The following EYS variants were observed in gnomAD, a reference collection of about 807,000 sequenced individuals.
The protein encoded by EYS is EGF-like photoreceptor maintenance factor, also known as protein eyes shut homolog.
Under a neutral mutation model 282.1 loss-of-function variants are expected in EYS, and 250 were observed. That is an observed-to-expected ratio of 0.89 (90% CI 0.80 to 0.98). The LOEUF is 0.98. Among genes scored for constraint, EYS ranks in the 50% least tolerant of loss-of-function variants. EYS has a pLI of 0.00. For missense variants in EYS, 4,016 were observed against 3,709.0 expected (o/e 1.08, Z -2.15); for synonymous variants, 1,355 against 1,282.9 (o/e 1.06, Z -1.20).
At chr6:64,266,936 G>A (rs1173436850) in intron 30 of EYS, among the ~76,000 whole-genome samples, 12 of 152,050 alleles carry the variant, frequency 7.9e-5, no homozygotes, top group Non-Finnish European at 1.5e-4. Flanking sequence ...AATACCTGAT[G>A]TTTTGAAGAA....
At position 64,813,590 on chromosome 6, in the gene EYS, A is replaced by G; in HGVS notation, c.3244-13T>C. On this transcript the variant is annotated splice_polypyrimidine_tract_variant and intron_variant, in intron 21 of 42. Coordinates refer to ENST00000503581, the MANE Select transcript of EYS (RefSeq NM_001142800.2). ...TTGATGTGCAGTCCTAGATTAAGAAATAGAGAATCAAATTTGATTATTAGT... is the reference window on the plus strand; with the variant it reads ...TTGATGTGCAGTCCTAGATTAAGAAGTAGAGAATCAAATTTGATTATTAGT... 1 of 1,503,902 alleles carries G rather than the reference A, an allele frequency of 6.6e-7. No homozygotes were observed. Among genetic ancestry groups the G allele is most frequent in the East Asian group, 2.5e-5 (1 of 40,116 alleles). The allele number at this position is 1,503,902 out of a possible 1,614,324, so 93.2% of individuals were successfully genotyped here. A position where few individuals can be genotyped will look rare whatever the true frequency, so the allele number is the denominator to read the frequency against.
intron 30 of EYS, among the ~76,000 whole-genome samples, chr6:64,301,886 C>T (rs1310288391): frequency 1.3e-5 from 2 of 152,144 alleles, no homozygotes; most frequent in Non-Finnish European, 2.9e-5. Context: ...GGTTTACTAG[C>T]ACTCAAAAAG....
chr6:64,196,047 G>T (rs1475340432), intron 31 of EYS, among the ~76,000 whole-genome samples: 1 of 151,908 alleles, frequency 6.6e-6, no homozygotes, highest in Non-Finnish European at 1.5e-5. Context: ...AAATTTACAA[G>T]AAAAAAACAA....
intron 26 of EYS, among the ~76,000 whole-genome samples, chr6:64,465,887 A>C (rs1775901740): frequency 6.6e-6 from 1 of 152,118 alleles, no homozygotes; most frequent in Non-Finnish European, 1.5e-5. Flanking sequence ...ATATTTAAGA[A>C]ACTGAAACAA....
At position 64,764,669 on chromosome 6, in the gene EYS, GTT is replaced by G. The variant is rs766802036; in HGVS notation, c.3443+48707_3443+48708del. Among the ~76,000 whole-genome samples the G allele has an allele frequency of 3.9e-5, 6 of 152,304 alleles. No individual in the cohort carries two copies. The East Asian group carries it at 9.6e-4, about 24-fold the overall frequency. ...CTTAAATTTCTCCCCAGGAAATGGG[GTT>G]TTCTTTTCTACTCCATTGTCAGGCT... On this transcript the variant is annotated intron_variant, in intron 22 of 42. Coordinates refer to ENST00000503581, the MANE Select transcript of EYS (RefSeq NM_001142800.2).
chr6:64,088,669 T>C (rs756830448), intron 31 of EYS, among the ~76,000 whole-genome samples: 9 of 152,154 alleles, frequency 5.9e-5, no homozygotes, highest in Non-Finnish European at 1.0e-4. Context: ...AGTTCTGTAG[T>C]ATGAATCAGG....
intron 31 of EYS, among the ~76,000 whole-genome samples, chr6:64,098,606 T>TC (rs916413804): frequency 2.0e-5 from 3 of 149,810 alleles, no homozygotes; most frequent in East Asian, 1.9e-4. Flanking sequence ...TTTCTTTCTT[T>TC]TTTTTTTTTT....
intron 30 of EYS, among the ~76,000 whole-genome samples, chr6:64,268,451 A>T (rs988255512): frequency 1.3e-5 from 2 of 152,098 alleles, no homozygotes; most frequent in African/African-American, 4.8e-5. Context: ...ATTTACATAT[A>T]TGATTTACAT....
chr6:64,930,224 A>C (rs1388826571), intron 15 of EYS, among the ~76,000 whole-genome samples: 3 of 152,100 alleles, frequency 2.0e-5, no homozygotes, highest in African/African-American at 7.2e-5. Flanking sequence ...ATAATTGTAA[A>C]ATATTAAAAA....
At chr6:65,105,363 T>C (rs9689853) in intron 12 of EYS, among the ~76,000 whole-genome samples, 5,524 of 151,914 alleles carry the variant, frequency 0.036, 349 homozygotes, top group African/African-American at 0.13. Context: ...ATTGTAATTA[T>C]ATAAAACAAT....
intron 12 of EYS, among the ~76,000 whole-genome samples, chr6:65,098,169 T>G (rs1054373858): frequency 6.6e-6 from 1 of 150,810 alleles, no homozygotes; most frequent in African/African-American, 2.4e-5. Flanking sequence ...ATAAGAATGC[T>G]TTTCTTTTCC....
At chr6:64,556,318 T>C (rs920135092) in intron 26 of EYS, among the ~76,000 whole-genome samples, 1 of 151,974 alleles carries the variant, frequency 6.6e-6, no homozygotes, top group African/African-American at 2.4e-5. Context: ...GAACTATGGG[T>C]ACATGCAGCA....
intron 35 of EYS, among the ~76,000 whole-genome samples, chr6:63,900,989 C>G (rs1031369828): frequency 6.6e-6 from 1 of 152,076 alleles, no homozygotes; most frequent in Non-Finnish European, 1.5e-5. Context: ...AAGTATGAGA[C>G]CTGCAAAGAA....
intron 22 of EYS, among the ~76,000 whole-genome samples, chr6:64,788,679 A>G (rs949430180): frequency 3.3e-5 from 5 of 152,040 alleles, no homozygotes; most frequent in African/African-American, 1.2e-4. Context: ...CCAATTCTCC[A>G]TCTTTTAAAG....
chr6:65,577,184 A>T (rs1764700421), intron 2 of EYS, among the ~76,000 whole-genome samples: 1 of 152,082 alleles, frequency 6.6e-6, no homozygotes, highest in African/African-American at 2.4e-5. Context: ...TTACAAAGCT[A>T]TAGTAATCAA....
chr6:63,857,700 A>T, intron 36 of EYS: 1 of 424,056 alleles, frequency 2.4e-6, no homozygotes, highest in Non-Finnish European at 4.8e-6. Flanking sequence ...TTTGATGTGG[A>T]TGTTGACCTT....
At chr6:64,332,895 G>C (rs1770699098) in intron 29 of EYS, among the ~76,000 whole-genome samples, 1 of 152,150 alleles carries the variant, frequency 6.6e-6, no homozygotes, top group South Asian at 2.1e-4. Flanking sequence ...TGCAAATGTT[G>C]CCAAGCTTGT....
At chr6:64,122,124 C>A (rs1773610584) in intron 31 of EYS, among the ~76,000 whole-genome samples, 1 of 151,906 alleles carries the variant, frequency 6.6e-6, no homozygotes, top group Admixed American at 6.6e-5. Context: ...ACAGTTTAAC[C>A]TTGCTTGAAG....
intron 15 of EYS, among the ~76,000 whole-genome samples, chr6:64,921,057 G>T (rs1421335705): frequency 1.3e-5 from 2 of 152,030 alleles, no homozygotes; most frequent in Admixed American, 6.6e-5. Flanking sequence ...AAACAAAATA[G>T]TCTTTGTTTT....
Sources: gnomAD v4.1 joint callset for allele counts (sites outside exome capture counted in the v4.1 genomes callset) on GRCh38, gnomAD v4.1.1 for gene constraint, MANE v1.5 for transcripts, NCBI Gene and HGNC (gene_info 2026-07-23, HGNC 2026-07-21) for gene names.